ASTN2: variants seen among roughly 807,000 people sequenced by gnomAD.
ASTN2 encodes the protein astrotactin-2.
Under a neutral mutation model 139.8 loss-of-function variants are expected in ASTN2, and 54 were observed. The observed-to-expected ratio is 0.39, with a 90% confidence interval of 0.31 to 0.48. The LOEUF is 0.48. ASTN2 is among the 20% of genes least tolerant of loss of function. The probability of loss-of-function intolerance (pLI) is 0.95; values close to 1 mark genes in which losing one functional copy is unlikely to be tolerated. For missense variants in ASTN2, 1,565 were observed against 1,725.1 expected (o/e 0.91, Z 1.64); for synonymous variants, 756 against 719.5 (o/e 1.05, Z -0.81).
intron 16 of ASTN2, among the ~76,000 whole-genome samples, chr9:116,666,300 T>C (rs978460579): frequency 5.9e-5 from 9 of 152,214 alleles, no homozygotes; most frequent in Non-Finnish European, 1.2e-4. Context: ...CCTTGGATGA[T>C]AGAATTTGGG....
intron 7 of ASTN2, among the ~76,000 whole-genome samples, chr9:116,999,340 T>G (rs1051204284): frequency 6.6e-6 from 1 of 152,100 alleles, no homozygotes; most frequent in African/African-American, 2.4e-5. Flanking sequence ...GTCTCCTCAT[T>G]TGATTACACT....
At chr9:116,638,667 T>G (rs527880112) in intron 17 of ASTN2, among the ~76,000 whole-genome samples, 2 of 152,294 alleles carry the variant, frequency 1.3e-5, no homozygotes, top group African/African-American at 4.8e-5. Flanking sequence ...TGGGGAACTC[T>G]GCAGCACAAA....
chr9:117,003,556 T>TGTGTGTGTGTGTGTGTGTGTGTGTG (rs1412820236), intron 7 of ASTN2, among the ~76,000 whole-genome samples: 74 of 146,942 alleles, frequency 5.0e-4, no homozygotes, highest in East Asian at 1.2e-3. Flanking sequence ...TGTGTGTGTA[T>TGTGTGTGTGTGTGTGTGTGTGTGTG]TTAAATCTAG....
rs1299230596 is a variant in ASTN2 at position 116,938,764 on chromosome 9, A to G, written c.1889+36444T>C. Reference sequence around the variant, plus strand: ...AGACTGATAACAATTCATTGCTTTAAGTACACAGGGGCATAATTCCAAAAG... The same window carrying G: ...AGACTGATAACAATTCATTGCTTTAGGTACACAGGGGCATAATTCCAAAAG... On this transcript the variant is annotated intron_variant, in intron 10 of 22. Transcript: ENST00000313400. Among the ~76,000 whole-genome samples, 3 of 152,346 alleles carry G rather than the reference A, an allele frequency of 2.0e-5. No individual in the cohort carries two copies. The East Asian group carries it at 5.8e-4, about 29-fold the overall frequency.
chr9:116,960,654 G>C (rs1335615329), intron 10 of ASTN2, among the ~76,000 whole-genome samples: 1 of 151,718 alleles, frequency 6.6e-6, no homozygotes, highest in Non-Finnish European at 1.5e-5. Flanking sequence ...CCTCCCAGTT[G>C]TAACCCCCCA....
chr9:117,333,711 C>A (rs1448107103), intron 1 of ASTN2, among the ~76,000 whole-genome samples: 1 of 152,144 alleles, frequency 6.6e-6, no homozygotes, highest in Admixed American at 6.5e-5. Flanking sequence ...ACCATGTTGG[C>A]CAGGCTGGTT....
chr9:116,588,625 T>C (rs1190096229), intron 19 of ASTN2, among the ~76,000 whole-genome samples: 1 of 148,442 alleles, frequency 6.7e-6, no homozygotes, highest in African/African-American at 2.5e-5. Context: ...TAAAATGGGA[T>C]GATACACTTC....
intron 16 of ASTN2, chr9:116,687,172 A>C (rs1190312244): frequency 1.9e-6 from 2 of 1,064,976 alleles, no homozygotes; most frequent in Non-Finnish European, 2.3e-6. Flanking sequence ...GGGTTCTCAG[A>C]GGAAAGCTCA....
chr9:116,649,827 G>T (rs1857808576), intron 17 of ASTN2, among the ~76,000 whole-genome samples: 1 of 152,018 alleles, frequency 6.6e-6, no homozygotes, highest in South Asian at 2.1e-4. Context: ...TCACCTCATG[G>T]CCCACAGGAT....
intron 5 of ASTN2, among the ~76,000 whole-genome samples, chr9:117,061,675 A>T (rs111949457): frequency 1.3e-5 from 2 of 152,306 alleles, no homozygotes; most frequent in African/African-American, 4.8e-5. Context: ...ACAAGTTATT[A>T]ATGTCAGTCT....
intron 16 of ASTN2, among the ~76,000 whole-genome samples, chr9:116,685,724 G>A (rs774621148): frequency 6.6e-6 from 1 of 151,752 alleles, no homozygotes; most frequent in African/African-American, 2.4e-5. Context: ...TCATTTAACT[G>A]GTAATAAACA....
At chr9:116,850,923 T>A (rs968031178) in intron 11 of ASTN2, among the ~76,000 whole-genome samples, 3 of 152,208 alleles carry the variant, frequency 2.0e-5, no homozygotes, top group Admixed American at 1.3e-4. Flanking sequence ...CATGTGTGAC[T>A]CTAGGGAGTA....
At chr9:116,967,963 C>T (rs1248517126) in intron 10 of ASTN2, among the ~76,000 whole-genome samples, 1 of 152,222 alleles carries the variant, frequency 6.6e-6, no homozygotes, top group Admixed American at 6.5e-5. Context: ...CACACTGCAT[C>T]ACATGGTTGC....
In ASTN2 at chr9:116,487,428, T is replaced by A; in HGVS notation, c.3428A>T (p.His1143Leu). 1 of 1,614,052 alleles carries A rather than the reference T, an allele frequency of 6.2e-7. No individual in the cohort carries two copies. Among genetic ancestry groups the A allele is most frequent in the Non-Finnish European group, 8.5e-7 (1 of 1,179,974 alleles). The change falls in exon 20 of 23, where the codon CAT becomes CTT. Residue 1143 changes from histidine (H) to leucine (L), a missense_variant. By Grantham distance (99) the His-to-Leu change is moderately conservative (BLOSUM62 -3). Around this residue, in one of 4 missense-constraint regions of ASTN2, gnomAD observed 418 missense variants for 465.8 expected, o/e 0.90. Coordinates refer to ENST00000313400, the MANE Select transcript of ASTN2 (RefSeq NM_001365068.1). The part of the protein sequence containing the change: ...GTSCVAAGRS[H>L]GEVPEVSIYS... ...GATACTGACTTCAGGGACCTCTCCATGGCTTCGACCAGCTGCTACACAAGA... is the reference window on the plus strand; with the variant it reads ...GATACTGACTTCAGGGACCTCTCCAAGGCTTCGACCAGCTGCTACACAAGA...
At chr9:116,974,165 T>C (rs1196191113) in intron 10 of ASTN2, among the ~76,000 whole-genome samples, 1 of 152,184 alleles carries the variant, frequency 6.6e-6, no homozygotes, top group East Asian at 1.9e-4. Flanking sequence ...AACATCAGAA[T>C]TTCTAGAATG....
intron 1 of ASTN2, among the ~76,000 whole-genome samples, chr9:117,318,095 G>T (rs914488219): frequency 6.6e-6 from 1 of 152,202 alleles, no homozygotes; most frequent in Admixed American, 6.5e-5. Context: ...AGGACAAGTT[G>T]CATCATATTC....
chr9:116,769,128 T>G (rs372991564), intron 13 of ASTN2, among the ~76,000 whole-genome samples: 2 of 152,130 alleles, frequency 1.3e-5, no homozygotes, highest in East Asian at 1.9e-4. Flanking sequence ...ACAAAAATAC[T>G]AAGCCTAAAG....
At chr9:116,937,874 T>G (rs10817962) in intron 10 of ASTN2, among the ~76,000 whole-genome samples, 3 of 152,210 alleles carry the variant, frequency 2.0e-5, no homozygotes, top group Non-Finnish European at 2.9e-5. Context: ...CTTCATAAAG[T>G]TCACTGTCTA....
chr9:116,814,378 C>T (rs1370372775), intron 12 of ASTN2, among the ~76,000 whole-genome samples: 3 of 151,982 alleles, frequency 2.0e-5, no homozygotes, highest in Admixed American at 2.0e-4. Context: ...TCTTGGGTTG[C>T]AGGTTTTATT....
Sources: gnomAD v4.1 joint callset for allele counts (sites outside exome capture counted in the v4.1 genomes callset) on GRCh38, gnomAD v4.1.1 for gene constraint, gnomAD v4.1.1 regional missense constraint, MANE v1.5 for transcripts, NCBI Gene and HGNC (gene_info 2026-07-23, HGNC 2026-07-21) for gene names.